Variants in DNAH1 observed in about 807,000 individuals in gnomAD.
DNAH1 encodes dynein axonemal heavy chain 1.
A neutral mutation model predicts 484.3 loss-of-function variants in DNAH1; 327 were observed. That is an observed-to-expected ratio of 0.68 (90% CI 0.62 to 0.74). The LOEUF (loss-of-function observed/expected upper bound fraction) is 0.74, where lower values mean the gene tolerates loss of function less well. DNAH1 is among the 30% of genes least tolerant of loss of function. The pLI, the probability that DNAH1 is intolerant of heterozygous loss-of-function variation, is 0.00. For missense variants in DNAH1, 5,052 were observed against 5,546.8 expected (o/e 0.91, Z 2.83); for synonymous variants, 2,192 against 2,191.9 (o/e 1.00, Z 0.00).
In DNAH1 at chr3:52,375,414, G is replaced by C; in HGVS notation, c.7159+1G>C. The C allele has an allele frequency of 6.2e-7, 1 of 1,611,610 alleles. No individual in the cohort carries two copies. The highest frequency in any genetic ancestry group is 8.5e-7 in the Non-Finnish European group (1 of 1,179,254). ...TCCACCATCCTGGGCAACTGGTTGG[G>C]TGAGTATTGGTGGGGGTGAGCATGG... On this transcript the variant is annotated splice_donor_variant, in intron 45 of 77. Transcript: ENST00000420323. LOFTEE classifies it high-confidence loss of function.
Position 52,370,161 on chromosome 3 carries a change from A to C in DNAH1, c.6190A>C (p.Asn2064His). 1 of 1,613,940 alleles carries C rather than the reference A, an allele frequency of 6.2e-7. No individual in the cohort carries two copies. Among genetic ancestry groups the C allele is most frequent in the South Asian group, 1.1e-5 (1 of 91,078 alleles). The stretch of plus-strand genomic sequence containing the variant: ...AGTGAAGGAGGTGATCGCCTCAACC[A>C]ACTGCAACCTGACCATGAGCCTCCT... ...SSVKEVIAST[N>H]CNLTMSLLKL... The change falls in exon 39 of 78, where the codon AAC (asparagine) becomes CAC (histidine). Residue 2064 changes from asparagine to histidine, a missense_variant. By Grantham distance (68) the Asn-to-His change is moderately conservative. Transcript: ENST00000420323.
At chr3:52,392,419 G>A (rs1227075238) in intron 63 of DNAH1, 45 bp from the exon 64 acceptor site, 1 of 1,584,114 alleles carries the variant, frequency 6.3e-7, no homozygotes. Context: ...TAGCCCTCCG[G>A]GGCCCACCAG....
Position 52,360,327 on chromosome 3 carries a change from A to C in DNAH1, c.4588A>C (p.Asn1530His), listed in dbSNP as rs74498533. The change falls in exon 28 of 78, where the codon AAT (asparagine) becomes CAT (histidine). Residue 1530 changes from asparagine to histidine, a missense_variant. Transcript: ENST00000420323. ...CACCGCCAGGTACTACTGGACAAAT[A>C]ATGACCTGTATATCCGTGCTGTGAA... ...ISQLRYYWTN[N>H]DLYIRAVNAE... The C allele has an allele frequency of 6.2e-7, 1 of 1,613,788 alleles. No individual in the cohort carries two copies. The highest frequency in any genetic ancestry group is 1.3e-5 in the African/African-American group (1 of 75,030).
In DNAH1 at chr3:52,381,719, A is replaced by G. The variant is rs1362842190; in HGVS notation, c.7688A>G (p.Asp2563Gly). ...AAGCTGAAGCTGGTCCTCTTCATGGACGCCATGAGCCACATCTGTCGCATC... is the reference window on the plus strand; with the variant it reads ...AAGCTGAAGCTGGTCCTCTTCATGGGCGCCATGAGCCACATCTGTCGCATC... The part of the protein sequence containing the change: ...TAKLKLVLFM[D>G]AMSHICRISR... The change falls in exon 49 of 78, where the codon GAC becomes GGC. Residue 2563 changes from aspartate to glycine, a missense_variant. Physicochemically the swap from Asp to Gly is moderately conservative, Grantham distance 94. Coordinates refer to ENST00000420323, the MANE Select transcript of DNAH1 (RefSeq NM_015512.5). The surrounding 1 kb of genome is among the most constrained non-coding windows in gnomAD (Gnocchi z 4.1). 6.2e-7 allele frequency: 1 copy of G among 1,606,382 alleles called. No homozygotes were observed. The highest frequency in any genetic ancestry group is 1.7e-5 in the Admixed American group (1 of 59,224).
chr3:52,374,783 TACACA>T, intron 44 of DNAH1: 1 of 1,065,946 alleles, frequency 9.4e-7, no homozygotes, highest in Non-Finnish European at 1.5e-6. Flanking sequence ...TTGATGACTG[TACACA>T]ACAGTCCAAA....
rs537304219 is a variant in DNAH1, at chr3:52,370,698, C to G, written c.6418-20C>G. 2 of 1,597,288 alleles carry G rather than the reference C, an allele frequency of 1.3e-6. No individual in the cohort carries two copies. The highest frequency in any genetic ancestry group is 2.7e-5 in the African/African-American group (2 of 74,776). ...TCCTACTGGGCCTCACAGCCTGCTT[C>G]TCCTCCTGGTTCCCGGCAGCTGACT... On this transcript the variant is annotated intron_variant, in intron 40 of 77. Transcript: ENST00000420323.
rs1339409993 is a variant in DNAH1, at chr3:52,399,762, A to G, written c.12659A>G (p.Lys4220Arg). 5 of 1,613,804 alleles carry G rather than the reference A, an allele frequency of 3.1e-6. No homozygotes were observed. Among genetic ancestry groups the G allele is most frequent in the South Asian group, 2.2e-5 (2 of 91,086 alleles). ...DQDFYLCPIY[K>R]TLTRAGTLST... ...GACTTTTACCTGTGCCCCATCTACA[A>G]GACACTGACTCGTGCTGGTATGAGG... Residue 4220 changes from lysine (K) to arginine (R), a missense_variant, in exon 77 of 78, where the codon AAG becomes AGG. This residue lies in a region of DNAH1 where 853 missense variants were observed against 899.0 expected (regional missense o/e 0.95). Transcript: ENST00000420323.
At position 52,368,788 on chromosome 3, in the gene DNAH1, C is replaced by T; in HGVS notation, c.5813C>T (p.Ser1938Phe). Reference sequence around the variant, plus strand: ...TTCATCCGGGCGGGGGCCATCACCTCCGACACCAACAAGAAGTGGTACATG... The same window carrying T: ...TTCATCCGGGCGGGGGCCATCACCTTCGACACCAACAAGAAGTGGTACATG... ...SSFIRAGAITSDTNKKWYMFD... is the reference protein window; with the variant it reads ...SSFIRAGAITFDTNKKWYMFD... The change falls in exon 37 of 78, where the codon TCC becomes TTC. Residue 1938 changes from serine (S) to phenylalanine (F), a missense_variant. Ser to Phe is a radical substitution (Grantham distance 155). Coordinates refer to ENST00000420323, the MANE Select transcript of DNAH1 (RefSeq NM_015512.5). This position sits in a 1 kb window ranked among gnomAD's most constrained non-coding sequence, Gnocchi z 4.4. The T allele has an allele frequency of 6.2e-7, 1 of 1,613,998 alleles. No individual in the cohort carries two copies. The highest frequency in any genetic ancestry group is 1.3e-5 in the African/African-American group (1 of 75,050).
intron 44 of DNAH1, chr3:52,374,744 T>A (rs879002269): frequency 8.2e-7 from 1 of 1,221,298 alleles, no homozygotes. Flanking sequence ...ACGCCCTGAA[T>A]CTGTTCATAG....
In DNAH1 at chr3:52,364,981, G is replaced by A. The variant is rs377201322; in HGVS notation, c.5480G>A (p.Arg1827His). 1.4e-5 allele frequency: 23 copies of A among 1,613,362 alleles called. No individual in the cohort carries two copies. The highest frequency in any genetic ancestry group is 6.7e-5 in the African/African-American group (5 of 74,920). ...TDYGILDEAI[R>H]EACRNSNLKD... Reference sequence around the variant, plus strand: ...TACGGCATCCTGGATGAGGCCATCCGCGAGGCCTGCAGGAACAGCAACCTC... The same window carrying A: ...TACGGCATCCTGGATGAGGCCATCCACGAGGCCTGCAGGAACAGCAACCTC... The change falls in exon 34 of 78, where the codon CGC becomes CAC. Residue 1827 changes from arginine to histidine, a missense_variant. By Grantham distance (29) the Arg-to-His change is conservative (BLOSUM62 0). This residue lies in a region of DNAH1 where 2,929 missense variants were observed against 3,409.4 expected (regional missense o/e 0.86). Coordinates refer to ENST00000420323, the MANE Select transcript of DNAH1 (RefSeq NM_015512.5). This position sits in a 1 kb window ranked among gnomAD's most constrained non-coding sequence, Gnocchi z 4.2.
intron 8 of DNAH1, among the ~76,000 whole-genome samples, chr3:52,341,984 T>C (rs947365577): frequency 6.6e-6 from 1 of 152,224 alleles, no homozygotes; most frequent in Non-Finnish European, 1.5e-5. Flanking sequence ...TTTTTAGGGT[T>C]CTGATAAGTG....
Position 52,323,889 on chromosome 3 carries a change from T to C in DNAH1, c.406+9T>C, listed in dbSNP as rs1279150351. ...CAAGTTCACCCCAAGAGGTCAGTGC[T>C]CAGGAGGGCTGTGTGAGTGGGTCCC... On this transcript the variant is annotated intron_variant, in intron 3 of 77. Transcript: ENST00000420323. The C allele has an allele frequency of 4.5e-6, 7 of 1,565,984 alleles. No individual in the cohort carries two copies. The highest frequency in any genetic ancestry group is 6.1e-6 in the Non-Finnish European group (7 of 1,154,774).
chr3:52,349,775 G>A (rs547511821), intron 14 of DNAH1, among the ~76,000 whole-genome samples: 1 of 152,342 alleles, frequency 6.6e-6, no homozygotes, highest in Non-Finnish European at 1.5e-5. Context: ...AGGCTGGAAG[G>A]GTGAGGTGTG....
chr3:52,325,766 G>T (rs1701314697), intron 3 of DNAH1, among the ~76,000 whole-genome samples: 4 of 152,196 alleles, frequency 2.6e-5, no homozygotes, highest in African/African-American at 9.7e-5. Flanking sequence ...CTGCAGTAGG[G>T]GTGGGAGGAG....
chr3:52,345,765 G>A, intron 10 of DNAH1, 59 bp downstream of exon 10: 2 of 1,530,340 alleles, frequency 1.3e-6, no homozygotes, highest in Non-Finnish European at 1.8e-6. Flanking sequence ...GAACTGGCAG[G>A]CACAGGTCGG....
chr3:52,377,837 C>T (rs1165642133), intron 46 of DNAH1, among the ~76,000 whole-genome samples: 4 of 152,160 alleles, frequency 2.6e-5, no homozygotes, highest in African/African-American at 7.2e-5. Flanking sequence ...GACCCCTCTC[C>T]TGCTGCAGGG....
At chr3:52,327,718 A>G (rs990575512) in intron 5 of DNAH1, among the ~76,000 whole-genome samples, 164 bp from the exon 6 acceptor site, 3 of 151,466 alleles carry the variant, frequency 2.0e-5, no homozygotes, top group African/African-American at 7.3e-5. Context: ...CTAGCAGTGG[A>G]GAGGGTCAGC....
chr3:52,344,390 T>C lies in DNAH1; in HGVS notation c.1287-100T>C, dbSNP rs1378502399. ...ATGAATCCAGAAGGGAAGCCCTAAATGCGTGTCCCCAGGTCCATGCCAGAG... is the reference window on the plus strand; with the variant it reads ...ATGAATCCAGAAGGGAAGCCCTAAACGCGTGTCCCCAGGTCCATGCCAGAG... On this transcript the variant is annotated intron_variant, in intron 8 of 77. Transcript: ENST00000420323. 3.5e-6 allele frequency: 5 copies of C among 1,437,914 alleles called. No homozygotes were observed. The African/African-American group carries it at 5.7e-5, about 16-fold the overall frequency. 89.1% of individuals were successfully genotyped at this position (1,437,914 alleles called of 1,614,324 possible). A position where few individuals can be genotyped will look rare whatever the true frequency, so the allele number is the denominator to read the frequency against.
chr3:52,380,654 G>A (rs1370419342), intron 48 of DNAH1, among the ~76,000 whole-genome samples: 2 of 152,174 alleles, frequency 1.3e-5, no homozygotes, highest in African/African-American at 4.8e-5. Context: ...GTCAGGCCTC[G>A]TGCAGGGGGG....
Sources: gnomAD v4.1 joint callset for allele counts (sites outside exome capture counted in the v4.1 genomes callset) on GRCh38, gnomAD v4.1.1 for gene constraint, gnomAD v4.1.1 regional missense constraint, Gnocchi (gnomAD v3.1) non-coding constraint, MANE v1.5 for transcripts, NCBI Gene and HGNC (gene_info 2026-07-23, HGNC 2026-07-21) for gene names.